MICU1: variants seen among roughly 807,000 people sequenced by gnomAD.
MICU1 encodes the protein calcium uptake protein 1, mitochondrial.
In MICU1, 45 loss-of-function variants were observed where a neutral mutation model predicts 56.8. The observed-to-expected ratio is 0.79, with a 90% CI of 0.62 to 1.02. The LOEUF (loss-of-function observed/expected upper bound fraction) is 1.02. Among genes scored for constraint, MICU1 ranks in the 50% least tolerant of loss-of-function variants. The pLI is 0.00. For missense variants in MICU1, 504 were observed against 587.1 expected (o/e 0.86, Z 1.46); for synonymous variants, 186 against 195.1 (o/e 0.95, Z 0.39).
chr10:72,608,638 T>C (rs1049390725), intron 1 of MICU1, among the ~76,000 whole-genome samples: 6 of 152,352 alleles, frequency 3.9e-5, no homozygotes, highest in Middle Eastern at 3.4e-3. Context: ...CCTTTGTGCA[T>C]TGTTGGTGGG....
At chr10:72,389,804 C>T (rs1451086907) in intron 10 of MICU1, among the ~76,000 whole-genome samples, 1 of 152,136 alleles carries the variant, frequency 6.6e-6, no homozygotes, top group Non-Finnish European at 1.5e-5. Context: ...TCTAGAGCTC[C>T]AGCTCAAATA....
chr10:72,430,055 C>T (rs1404475641), intron 8 of MICU1, among the ~76,000 whole-genome samples: 2 of 152,168 alleles, frequency 1.3e-5, no homozygotes, highest in Non-Finnish European at 2.9e-5. Flanking sequence ...GTTTGTGGGC[C>T]TCTTCTAGAA....
chr10:72,562,448 G>A (rs1337760850), intron 3 of MICU1, among the ~76,000 whole-genome samples: 2 of 151,896 alleles, frequency 1.3e-5, no homozygotes, highest in Non-Finnish European at 2.9e-5. Flanking sequence ...GCCACCATGC[G>A]GGGCCTAATT....
intron 5 of MICU1, among the ~76,000 whole-genome samples, chr10:72,511,135 C>T (rs537885668): frequency 1.3e-5 from 2 of 152,088 alleles, no homozygotes; most frequent in Non-Finnish European, 2.9e-5. Flanking sequence ...ATAAATTCAC[C>T]ATTTTTACCA....
intron 11 of MICU1, among the ~76,000 whole-genome samples, chr10:72,372,721 G>C (rs1481001512): frequency 6.6e-6 from 1 of 151,424 alleles, no homozygotes; most frequent in East Asian, 1.9e-4. Context: ...GGGCGCCTGT[G>C]ATCCCAGCTA....
At chr10:72,493,455 AT>A (rs1866734554) in intron 6 of MICU1, among the ~76,000 whole-genome samples, 1 of 151,612 alleles carries the variant, frequency 6.6e-6, no homozygotes, top group Non-Finnish European at 1.5e-5. Flanking sequence ...ATTTTACTTT[AT>A]TTTATTATTT....
chr10:72,431,844 C>T (rs932109062), intron 8 of MICU1, among the ~76,000 whole-genome samples: 2 of 152,082 alleles, frequency 1.3e-5, no homozygotes, highest in African/African-American at 4.8e-5. Flanking sequence ...TGAGAATATG[C>T]ATTTCTTAGT....
At chr10:72,446,044 T>C (rs1177718097) in intron 8 of MICU1, among the ~76,000 whole-genome samples, 1 of 152,154 alleles carries the variant, frequency 6.6e-6, no homozygotes, top group Non-Finnish European at 1.5e-5. Flanking sequence ...TTTCACTGAC[T>C]GTACAAGTAT....
intron 6 of MICU1, among the ~76,000 whole-genome samples, chr10:72,492,170 C>G (rs561703728): frequency 1.3e-5 from 2 of 152,078 alleles, no homozygotes; most frequent in South Asian, 4.2e-4. Flanking sequence ...TAAATAAAGA[C>G]TTTGGCTTTA....
At chr10:72,535,027 T>C (rs1401461568) in intron 4 of MICU1, among the ~76,000 whole-genome samples, 1 of 137,154 alleles carries the variant, frequency 7.3e-6, no homozygotes, top group African/African-American at 3.1e-5. Context: ...TTTATTTTAT[T>C]TTATTTTATT....
intron 1 of MICU1, among the ~76,000 whole-genome samples, chr10:72,608,704 C>G (rs1182882669): frequency 6.6e-6 from 1 of 152,166 alleles, no homozygotes; most frequent in Non-Finnish European, 1.5e-5. Flanking sequence ...AAAACTGCCT[C>G]CGTACATATT....
chr10:72,472,729 C>T (rs571878264), intron 8 of MICU1, among the ~76,000 whole-genome samples: 2 of 152,304 alleles, frequency 1.3e-5, no homozygotes, highest in South Asian at 4.1e-4. Flanking sequence ...TGAAACAATG[C>T]TTAACAAAAC....
intron 4 of MICU1, among the ~76,000 whole-genome samples, chr10:72,534,256 C>T (rs530815841): frequency 6.2e-5 from 9 of 144,926 alleles, no homozygotes; most frequent in Non-Finnish European, 1.2e-4. Flanking sequence ...ACCATCTTAA[C>T]ATTACCTTTT....
chr10:72,373,205 GGT>G (rs1337631064), intron 11 of MICU1, among the ~76,000 whole-genome samples: 4 of 147,276 alleles, frequency 2.7e-5, no homozygotes, highest in African/African-American at 1.0e-4. Flanking sequence ...TTTGAGATGA[GGT>G]CTTGCTCTGT....
chr10:72,527,215 T>C (rs901644302), intron 5 of MICU1, among the ~76,000 whole-genome samples: 2 of 152,086 alleles, frequency 1.3e-5, no homozygotes, highest in African/African-American at 4.8e-5. Context: ...GCAAACAGTA[T>C]TAAGGCAGTA....
At chr10:72,461,363 G>A (rs976717936) in intron 8 of MICU1, among the ~76,000 whole-genome samples, 6 of 152,294 alleles carry the variant, frequency 3.9e-5, no homozygotes, top group Admixed American at 2.6e-4. Context: ...CTGATCTTTA[G>A]ACAGAATGAA....
rs551389617 is a variant in MICU1 at position 72,410,407 on chromosome 10, A to T, written c.1072-2370T>A. On this transcript the variant is annotated intron_variant, in intron 9 of 11. Transcript: ENST00000361114. ...CGAGGCGGGCAGATCACCTGAGGTC[A>T]AGAGTTCCAGACCAGCCTGACTAAC... Among the ~76,000 whole-genome samples the T allele has an allele frequency of 1.8e-4, 28 of 152,264 alleles. No homozygotes were observed. The South Asian group carries it at 5.2e-3, about 28-fold the overall frequency.
intron 8 of MICU1, among the ~76,000 whole-genome samples, chr10:72,449,631 A>T (rs1420368640): frequency 6.6e-6 from 1 of 152,058 alleles, no homozygotes; most frequent in Admixed American, 6.5e-5. Flanking sequence ...CTTTCTGGTC[A>T]TCAAGTTAAT....
chr10:72,622,590 G>A (rs1488908433), intron 1 of MICU1, among the ~76,000 whole-genome samples: 1 of 152,194 alleles, frequency 6.6e-6, no homozygotes, highest in Non-Finnish European at 1.5e-5. Flanking sequence ...AAGGAAGTAA[G>A]CCTAGTGCTG....
Sources: allele counts gnomAD v4.1 joint callset (sites outside exome capture counted in the v4.1 genomes callset), GRCh38; gene constraint gnomAD v4.1.1; transcripts MANE v1.5; gene names NCBI Gene and HGNC (gene_info 2026-07-23, HGNC 2026-07-21).